PPM1E: variants seen among roughly 807,000 people sequenced by gnomAD.
PPM1E encodes protein phosphatase, Mg2+/Mn2+ dependent 1E.
Under a neutral mutation model 65.9 loss-of-function variants are expected in PPM1E, and 20 were observed. The ratio of observed to expected loss-of-function variants is 0.30; its 90% CI spans 0.21 to 0.44. The LOEUF is 0.44. PPM1E is among the 20% of genes least tolerant of loss of function. The pLI, the probability that PPM1E is intolerant of heterozygous loss-of-function variation, is 1.00. For missense variants in PPM1E, 713 were observed against 953.1 expected (o/e 0.75, Z 3.32); for synonymous variants, 352 against 374.9 (o/e 0.94, Z 0.70).
chr17:58,755,948 C>A lies in PPM1E; in HGVS notation c.-50C>A. 6.2e-7 allele frequency: 1 copy of A among 1,611,546 alleles called. No individual in the cohort carries two copies. Among genetic ancestry groups the A allele is most frequent in the South Asian group, 1.1e-5 (1 of 90,694 alleles). On this transcript the variant is annotated 5_prime_UTR_variant, in exon 1 of 7. The change creates a new upstream start codon in the 5' untranslated region. Transcript: ENST00000308249. ...GCTCAAAAGCAGCCCCTTACCCTTC[C>A]TGGGCTTCCCCCAACCCCTTTCCCG...
At position 58,982,157 on chromosome 17, in the gene PPM1E, T is replaced by C. The variant is rs2031392333; in HGVS notation, c.*1126T>C. On this transcript the variant is annotated 3_prime_UTR_variant, in exon 7 of 7. Coordinates refer to ENST00000308249, the MANE Select transcript of PPM1E (RefSeq NM_014906.5). ...GACAGCCAGGTCTGTTTAGTTGTAATTGGAAGACACATGAGTGTCCTGCTT... is the reference window on the plus strand; with the variant it reads ...GACAGCCAGGTCTGTTTAGTTGTAACTGGAAGACACATGAGTGTCCTGCTT... The C allele has an allele frequency of 6.6e-6, 1 of 152,656 alleles. No homozygotes were observed. The highest frequency in any genetic ancestry group is 2.4e-5 in the African/African-American group (1 of 41,470). The allele number at this position is 152,656 out of a possible 1,614,324, so 9.5% of individuals were successfully genotyped here.
intron 3 of PPM1E, chr17:58,966,760 C>T (rs544250560): frequency 6.5e-6 from 1 of 153,028 alleles, no homozygotes; most frequent in South Asian, 2.1e-4. Context: ...TCACTTGCCT[C>T]TTTTCTTCAC....
At chr17:58,955,497 A>G in intron 1 of PPM1E, 152 bp from the exon 2 acceptor site, 1 of 825,056 alleles carries the variant, frequency 1.2e-6, no homozygotes, top group Non-Finnish European at 2.0e-6. Context: ...CAGTGCCCAG[A>G]GTGCCTACTC....
At chr17:58,816,789 TATA>T (rs2050428492) in intron 1 of PPM1E, among the ~76,000 whole-genome samples, 27 of 9,706 alleles carry the variant, frequency 2.8e-3, no homozygotes, top group Non-Finnish European at 4.3e-3. Flanking sequence ...TATATATATA[TATA>T]TATTTTTTTT....
intron 1 of PPM1E, among the ~76,000 whole-genome samples, chr17:58,829,158 T>C (rs1318496902): frequency 6.6e-6 from 1 of 152,042 alleles, no homozygotes; most frequent in Non-Finnish European, 1.5e-5. Context: ...TTCTCCTGCC[T>C]CAGTCTCCTG....
chr17:58,942,023 A>T (rs2052078635), intron 1 of PPM1E, among the ~76,000 whole-genome samples: 1 of 151,448 alleles, frequency 6.6e-6, no homozygotes, highest in South Asian at 2.1e-4. Flanking sequence ...AAAAAAAAAA[A>T]TGCTGGTCAT....
chr17:58,975,604 A>G lies in PPM1E; in HGVS notation c.1210+2679A>G, dbSNP rs115145650. On this transcript the variant is annotated intron_variant, in intron 6 of 6. Coordinates refer to ENST00000308249, the MANE Select transcript of PPM1E (RefSeq NM_014906.5). ...TACACAGGTAGAGGGAAATATAAAT[A>G]CACAGGGGTTTGAAAAGGCATGGCA... Among the ~76,000 whole-genome samples, 1,304 of 152,326 alleles carry G rather than the reference A, an allele frequency of 8.6e-3. 19 individuals carry two copies. The highest frequency in any genetic ancestry group is 0.029 in the African/African-American group (1,216 of 41,582).
intron 1 of PPM1E, among the ~76,000 whole-genome samples, chr17:58,932,891 G>A (rs893459791): frequency 6.6e-6 from 1 of 152,182 alleles, no homozygotes; most frequent in African/African-American, 2.4e-5. Context: ...CCATAAAATT[G>A]TAATAGAGCT....
intron 1 of PPM1E, among the ~76,000 whole-genome samples, chr17:58,786,416 G>A (rs1029932323): frequency 6.6e-6 from 1 of 152,150 alleles, no homozygotes; most frequent in Non-Finnish European, 1.5e-5. Flanking sequence ...AGTAAAATAA[G>A]AGTTCCTTGA....
In PPM1E at chr17:58,756,035, G is replaced by A. The variant is rs2049755683; in HGVS notation, c.38G>A (p.Arg13His). 1.9e-6 allele frequency: 3 copies of A among 1,614,010 alleles called. No individual in the cohort carries two copies. Among genetic ancestry groups the A allele is most frequent in the South Asian group, 1.1e-5 (1 of 91,074 alleles). The change falls in exon 1 of 7, where the codon CGC becomes CAC. Residue 13 changes from arginine (R) to histidine (H), a missense_variant. Coordinates refer to ENST00000308249, the MANE Select transcript of PPM1E (RefSeq NM_014906.5). The part of the protein sequence containing the change: ...GCIPEEKTYR[R>H]FLELFLGEFR... ...ATCCCTGAGGAGAAAACTTACCGGC[G>A]CTTCCTGGAGCTATTCCTGGGCGAG...
intron 1 of PPM1E, among the ~76,000 whole-genome samples, chr17:58,828,683 C>T (rs901511545): frequency 2.6e-5 from 4 of 152,084 alleles, no homozygotes; most frequent in African/African-American, 9.7e-5. Flanking sequence ...AGGCTGGTCT[C>T]GACCTCCTGA....
At chr17:58,775,920 C>CAAAAAAAAA (rs1158158641) in intron 1 of PPM1E, among the ~76,000 whole-genome samples, 3 of 52,504 alleles carry the variant, frequency 5.7e-5, no homozygotes, top group African/African-American at 9.5e-5. Flanking sequence ...GACTCCGTCT[C>CAAAAAAAAA]AAAAAAAAAA....
At chr17:58,835,347 A>G (rs2050645145) in intron 1 of PPM1E, among the ~76,000 whole-genome samples, 3 of 152,124 alleles carry the variant, frequency 2.0e-5, no homozygotes, top group African/African-American at 7.2e-5. Flanking sequence ...CCTGTCTCAA[A>G]TAAAGTAAAA....
rs769506589 is a variant in PPM1E at position 58,756,135 on chromosome 17, G to T, written c.138G>T (p.Glu46Asp). 1.3e-6 allele frequency: 2 copies of T among 1,594,052 alleles called. No individual in the cohort carries two copies. Among genetic ancestry groups the T allele is most frequent in the East Asian group, 2.2e-5 (1 of 44,516 alleles). ...EPEPEPEPESEPEPEPELVEA... is the reference protein window; with the variant it reads ...EPEPEPEPESDPEPEPELVEA... ...AACCCGAACCCGAACCCGAGTCCGA[G>T]CCCGAGCCCGAACCTGAACTGGTAG... Residue 46 changes from glutamate (E) to aspartate (D), a missense_variant, in exon 1 of 7, where the codon GAG (glutamate) becomes GAT (aspartate). Transcript: ENST00000308249.
intron 1 of PPM1E, among the ~76,000 whole-genome samples, chr17:58,764,944 T>C (rs1165623557): frequency 6.6e-6 from 1 of 151,912 alleles, no homozygotes; most frequent in African/African-American, 2.4e-5. Flanking sequence ...CATCATCATC[T>C]TTCTCTTTAT....
chr17:58,799,666 A>T (rs931729205), intron 1 of PPM1E, among the ~76,000 whole-genome samples: 4 of 150,186 alleles, frequency 2.7e-5, no homozygotes, highest in African/African-American at 7.4e-5. Flanking sequence ...CTGGCCTTGA[A>T]CTCCTCACCT....
intron 1 of PPM1E, among the ~76,000 whole-genome samples, chr17:58,788,208 A>G (rs1008828849): frequency 6.6e-6 from 1 of 151,668 alleles, no homozygotes; most frequent in Non-Finnish European, 1.5e-5. Flanking sequence ...TCGGCACCAC[A>G]CCCAGCTAAT....
rs1405288174 is a variant in PPM1E, at chr17:58,817,915, T to C, written c.464+61454T>C. ...TACAGGCGTCCGCCACCACGCCCGGTTAATTTTTTGTATTTTTAGTAGAGA... is the reference window on the plus strand; with the variant it reads ...TACAGGCGTCCGCCACCACGCCCGGCTAATTTTTTGTATTTTTAGTAGAGA... On this transcript the variant is annotated intron_variant, in intron 1 of 6. Transcript: ENST00000308249. Among the ~76,000 whole-genome samples the C allele has an allele frequency of 3.3e-5, 5 of 152,032 alleles. No individual in the cohort carries two copies. In the East Asian group the frequency reaches 9.7e-4, roughly 29 times the overall value.
chr17:58,778,102 T>A (rs2050010998), intron 1 of PPM1E, among the ~76,000 whole-genome samples: 1 of 151,966 alleles, frequency 6.6e-6, no homozygotes, highest in Non-Finnish European at 1.5e-5. Context: ...CACAGCTATT[T>A]TTTTTTTATT....
Sources: allele counts gnomAD v4.1 joint callset (sites outside exome capture counted in the v4.1 genomes callset), GRCh38; gene constraint gnomAD v4.1.1; transcripts MANE v1.5; gene names NCBI Gene and HGNC (gene_info 2026-07-23, HGNC 2026-07-21).